Variants in SGMS2 observed in about 807,000 individuals in gnomAD.
The protein encoded by SGMS2 is sphingomyelin synthase 2, also known as phosphatidylcholine:ceramide cholinephosphotransferase 2.
In SGMS2, 21 loss-of-function variants were observed where a neutral mutation model predicts 43.8. The ratio of observed to expected loss-of-function variants is 0.48; its 90% confidence interval spans 0.34 to 0.69. The LOEUF is 0.69. Ranked by LOEUF, SGMS2 falls within the 30% of genes least tolerant of loss-of-function variation. The pLI, the probability that SGMS2 is intolerant of heterozygous loss-of-function variation, is 0.01. For missense variants in SGMS2, 384 were observed against 443.2 expected (o/e 0.87, Z 1.20); for synonymous variants, 167 against 160.6 (o/e 1.04, Z -0.30).
intron 1 of SGMS2, among the ~76,000 whole-genome samples, chr4:107,833,312 T>G (rs1725996075): frequency 6.6e-6 from 1 of 152,210 alleles, no homozygotes; most frequent in Non-Finnish European, 1.5e-5. Context: ...CACTTGAGGT[T>G]GCTTTGTTTT....
chr4:107,903,177 G>A (rs964457106), intron 4 of SGMS2, 56 bp from the exon 5 acceptor site: 7 of 1,554,254 alleles, frequency 4.5e-6, no homozygotes, highest in Non-Finnish European at 6.2e-6. Context: ...CAATTAGACT[G>A]AAACATGATT....
chr4:107,869,862 GT>G (rs2126054176), intron 2 of SGMS2, among the ~76,000 whole-genome samples: 1 of 152,166 alleles, frequency 6.6e-6, no homozygotes, highest in South Asian at 2.1e-4. Context: ...TTTTTCTTAA[GT>G]CAAAATAAGC....
Position 107,911,145 on chromosome 4 carries a change from G to A in SGMS2, c.*592G>A, listed in dbSNP as rs189653817. The A allele has an allele frequency of 6.6e-6, 1 of 151,934 alleles. No individual in the cohort carries two copies. Among genetic ancestry groups the A allele is most frequent in the Non-Finnish European group, 1.5e-5 (1 of 67,950 alleles). The allele number at this position is 151,934 out of a possible 1,614,324, so 9.4% of individuals were successfully genotyped here. On this transcript the variant is annotated 3_prime_UTR_variant, in exon 7 of 7. Transcript: ENST00000690982. ...AATGCGCTACATATCACTTTTTTTT[G>A]TTTTGTTTTGTTTTGTTTTTAAAAG...
chr4:107,842,573 A>T (rs1726582544), intron 1 of SGMS2, among the ~76,000 whole-genome samples: 1 of 152,188 alleles, frequency 6.6e-6, no homozygotes, highest in Admixed American at 6.5e-5. Context: ...TGTGAGTGAG[A>T]CATTTAGATC....
chr4:107,860,509 T>TTTAAATTGCCTC (rs1351916920), intron 2 of SGMS2, among the ~76,000 whole-genome samples: 3 of 151,644 alleles, frequency 2.0e-5, no homozygotes, highest in South Asian at 4.2e-4. Flanking sequence ...TTAAATTGCA[T>TTTAAATTGCCTC]CTCTGAGAGG....
chr4:107,877,568 A>G (rs758204054), intron 2 of SGMS2, among the ~76,000 whole-genome samples: 10 of 152,222 alleles, frequency 6.6e-5, no homozygotes, highest in Non-Finnish European at 1.2e-4. Flanking sequence ...TTGTTTGACC[A>G]TTAAACATGG....
intron 2 of SGMS2, among the ~76,000 whole-genome samples, chr4:107,883,158 A>G (rs912039241): frequency 1.3e-5 from 2 of 152,186 alleles, no homozygotes; most frequent in African/African-American, 2.4e-5. Context: ...GCTGCCGTCA[A>G]TGAGCTTCAG....
At chr4:107,888,177 T>C (rs1471821620) in intron 2 of SGMS2, among the ~76,000 whole-genome samples, 1 of 152,136 alleles carries the variant, frequency 6.6e-6, no homozygotes, top group Non-Finnish European at 1.5e-5. Flanking sequence ...TGGCATCTTC[T>C]ACCTGGCCTG....
intron 2 of SGMS2, chr4:107,863,675 A>T (rs1004690833): frequency 3.3e-5 from 5 of 152,154 alleles, no homozygotes; most frequent in African/African-American, 1.2e-4. Context: ...TCCAGTGGAT[A>T]TGTAATGCTC....
chr4:107,881,604 G>A (rs1729359707), intron 2 of SGMS2, among the ~76,000 whole-genome samples: 1 of 152,042 alleles, frequency 6.6e-6, no homozygotes. Context: ...ACTTATTTCT[G>A]TGATAAACAT....
At chr4:107,828,414 G>A (rs1327232398) in intron 1 of SGMS2, among the ~76,000 whole-genome samples, 1 of 152,170 alleles carries the variant, frequency 6.6e-6, no homozygotes, top group African/African-American at 2.4e-5. Context: ...TGCAGCAGCT[G>A]AAATTTATCT....
intron 2 of SGMS2, among the ~76,000 whole-genome samples, chr4:107,884,970 A>T (rs1355527850): frequency 6.6e-6 from 1 of 151,908 alleles, no homozygotes; most frequent in Admixed American, 6.6e-5. Context: ...ATCCTTTCCT[A>T]CCAGTGTCTG....
At chr4:107,890,200 T>C (rs1730086497) in intron 2 of SGMS2, among the ~76,000 whole-genome samples, 1 of 152,142 alleles carries the variant, frequency 6.6e-6, no homozygotes, top group Admixed American at 6.6e-5. Context: ...CTCTTCAAGT[T>C]CCATAAGGAG....
chr4:107,839,807 T>C (rs975193425), intron 1 of SGMS2, among the ~76,000 whole-genome samples: 1 of 152,220 alleles, frequency 6.6e-6, no homozygotes, highest in Non-Finnish European at 1.5e-5. Flanking sequence ...TTTTAAAAGC[T>C]TTTTAAAACT....
chr4:107,906,775 G>C (rs914631359), intron 5 of SGMS2, among the ~76,000 whole-genome samples: 1 of 152,168 alleles, frequency 6.6e-6, no homozygotes, highest in Non-Finnish European at 1.5e-5. Context: ...TTGCAATTCC[G>C]TGAGTAGTAA....
In SGMS2 at chr4:107,896,271, A is replaced by G. The variant is rs575339600; in HGVS notation, c.455+263A>G. On this transcript the variant is annotated intron_variant, in intron 3 of 6. Transcript: ENST00000690982. ...CTCAGAGTTGATGAATTTAAGGTGC[A>G]GTTCCTGACTTCCAGCAACTTGGTG... 1.6e-4 allele frequency among the ~76,000 whole-genome samples: 25 copies of G among 152,354 alleles called. 1 individual carries two copies. In the East Asian group the frequency reaches 4.6e-3, roughly 28 times the overall value.
At chr4:107,845,295 A>C (rs931325365) in intron 1 of SGMS2, among the ~76,000 whole-genome samples, 11 of 152,222 alleles carry the variant, frequency 7.2e-5, no homozygotes, top group African/African-American at 2.7e-4. Context: ...GCAGGAAACA[A>C]GAAAGAGTGA....
intron 5 of SGMS2, among the ~76,000 whole-genome samples, chr4:107,905,509 T>C (rs967615510): frequency 6.6e-6 from 1 of 152,220 alleles, no homozygotes; most frequent in African/African-American, 2.4e-5. Context: ...AGGGCCTTGA[T>C]GTAAATTAAC....
At chr4:107,873,008 CAA>C (rs1267403147) in intron 2 of SGMS2, among the ~76,000 whole-genome samples, 8 of 152,096 alleles carry the variant, frequency 5.3e-5, no homozygotes, top group Non-Finnish European at 1.0e-4. Context: ...CATATATTTA[CAA>C]AGAGATTCTC....
Sources: allele counts gnomAD v4.1 joint callset (sites outside exome capture counted in the v4.1 genomes callset), GRCh38; gene constraint gnomAD v4.1.1; transcripts MANE v1.5; gene names NCBI Gene and HGNC (gene_info 2026-07-23, HGNC 2026-07-21).